CDH18: variants seen among roughly 807,000 people sequenced by gnomAD.
CDH18 encodes the protein cadherin 18.
CDH18 carries 31 observed loss-of-function variants against 67.9 expected under a neutral mutation model. The observed-to-expected ratio is 0.46, with a 90% confidence interval of 0.34 to 0.62. The LOEUF (loss-of-function observed/expected upper bound fraction) is 0.62, where lower values mean the gene tolerates loss of function less well. Ranked by LOEUF, CDH18 falls within the 20% of genes least tolerant of loss-of-function variation. The pLI is 0.01. For synonymous variants in CDH18, 362 were observed against 347.2 expected (o/e 1.04, Z -0.48); for missense variants, 890 against 975.5 (o/e 0.91, Z 1.17).
At chr5:20,374,847 A>T (rs1397306313) in intron 1 of CDH18, among the ~76,000 whole-genome samples, 4 of 152,186 alleles carry the variant, frequency 2.6e-5, no homozygotes, top group Non-Finnish European at 5.9e-5. Context: ...TAAGAATCAA[A>T]TTTATTTAAA....
chr5:19,809,519 A>G (rs188364433), intron 3 of CDH18, among the ~76,000 whole-genome samples: 200 of 107,414 alleles, frequency 1.9e-3, no homozygotes, highest in Admixed American at 3.7e-3. Flanking sequence ...CCTAAAACTT[A>G]AAGTATAATA....
At chr5:20,279,409 C>T (rs1243982132) in intron 1 of CDH18, among the ~76,000 whole-genome samples, 1 of 151,766 alleles carries the variant, frequency 6.6e-6, no homozygotes, top group Non-Finnish European at 1.5e-5. Flanking sequence ...AAAGCAAATA[C>T]TATAAGAGGC....
rs73050773 is a variant in CDH18, at chr5:20,150,657, T to C, written c.-518+104787A>G. 3.3e-3 allele frequency among the ~76,000 whole-genome samples: 497 copies of C among 152,134 alleles called. 4 individuals are homozygous for C. Among genetic ancestry groups the C allele is most frequent in the African/African-American group, 0.011 (474 of 41,554 alleles). ...TTTTAAGTTTTATATTTGTTTTATG[T>C]GGTTCTGTGTATATTGAAAATGTTT... On this transcript the variant is annotated intron_variant, in intron 2 of 14. Transcript: ENST00000507958.
intron 2 of CDH18, among the ~76,000 whole-genome samples, chr5:19,869,575 T>C (rs1243383979): frequency 6.6e-6 from 1 of 152,144 alleles, no homozygotes; most frequent in Non-Finnish European, 1.5e-5. Flanking sequence ...ATAATAATTC[T>C]ACACAAAAAT....
chr5:19,620,587 G>T (rs1232789987), intron 5 of CDH18, among the ~76,000 whole-genome samples: 1 of 151,920 alleles, frequency 6.6e-6, no homozygotes, highest in Non-Finnish European at 1.5e-5. Context: ...GAATGAGAGA[G>T]GGGGGACATG....
intron 1 of CDH18, among the ~76,000 whole-genome samples, chr5:20,556,111 G>A (rs1255425037): frequency 6.6e-6 from 1 of 152,200 alleles, no homozygotes; most frequent in African/African-American, 2.4e-5. Flanking sequence ...ACTGTCAATT[G>A]TTCTACATAT....
At chr5:19,775,415 T>C (rs1435772743) in intron 3 of CDH18, among the ~76,000 whole-genome samples, 2 of 152,118 alleles carry the variant, frequency 1.3e-5, no homozygotes, top group Non-Finnish European at 2.9e-5. Flanking sequence ...CTTCTGTGGA[T>C]GCGGAATCTG....
intron 2 of CDH18, among the ~76,000 whole-genome samples, chr5:20,020,573 T>C (rs1306974831): frequency 6.6e-6 from 1 of 152,106 alleles, no homozygotes; most frequent in Admixed American, 6.5e-5. Context: ...GGGCCCCAGA[T>C]ACATATCAGG....
At chr5:20,300,292 T>TTGTGTGTGTGCGTGTG (rs1747862509) in intron 1 of CDH18, among the ~76,000 whole-genome samples, 1 of 106,640 alleles carries the variant, frequency 9.4e-6, no homozygotes, top group African/African-American at 2.9e-5. Context: ...ATAGATTAAG[T>TTGTGTGTGTGCGTGTG]TGTGTGTGTG....
intron 2 of CDH18, among the ~76,000 whole-genome samples, chr5:19,923,829 C>G (rs1383729719): frequency 1.3e-5 from 2 of 152,182 alleles, no homozygotes; most frequent in African/African-American, 4.8e-5. Flanking sequence ...AAAAAGATAG[C>G]TTGTGGAAGA....
At chr5:19,894,856 TAGGGTCTCAAGAAG>T (rs1789139426) in intron 2 of CDH18, among the ~76,000 whole-genome samples, 2 of 152,160 alleles carry the variant, frequency 1.3e-5, no homozygotes, top group Admixed American at 1.3e-4. Context: ...AAGAATTTCT[TAGGGTCTCAAGAAG>T]AATGATGAGG....
intron 6 of CDH18, among the ~76,000 whole-genome samples, chr5:19,606,682 T>C (rs1748098087): frequency 1.3e-5 from 2 of 151,810 alleles, no homozygotes; most frequent in African/African-American, 2.4e-5. Flanking sequence ...AAGACAGTAA[T>C]AGATGAATGT....
At chr5:19,593,737 T>TCTTCTTCTTCTTCTTCTTCTC in intron 6 of CDH18, among the ~76,000 whole-genome samples, 1 of 139,334 alleles carries the variant, frequency 7.2e-6, no homozygotes, top group African/African-American at 2.9e-5. Flanking sequence ...TTCTTCTTCT[T>TCTTCTTCTTCTTCTTCTTCTC]CTTCTTCTTC....
At chr5:20,120,741 A>G (rs80238262) in intron 2 of CDH18, among the ~76,000 whole-genome samples, 3,180 of 152,240 alleles carry the variant, frequency 0.021, 46 homozygotes, top group Middle Eastern at 0.044. Context: ...TTTTGAAAAA[A>G]TGATTAGATC....
intron 2 of CDH18, among the ~76,000 whole-genome samples, chr5:20,237,766 T>C (rs940092898): frequency 3.3e-5 from 5 of 151,952 alleles, no homozygotes; most frequent in Non-Finnish European, 5.9e-5. Flanking sequence ...ACAATTCCAA[T>C]TGAAATTCAA....
intron 5 of CDH18, among the ~76,000 whole-genome samples, chr5:19,614,125 TA>T (rs1279506827): frequency 1.3e-5 from 2 of 152,034 alleles, no homozygotes; most frequent in African/African-American, 4.8e-5. Flanking sequence ...ATATTTATGT[TA>T]AAAATAGCCT....
intron 1 of CDH18, among the ~76,000 whole-genome samples, chr5:20,289,649 G>A (rs1219711131): frequency 6.6e-6 from 1 of 151,686 alleles, no homozygotes; most frequent in Admixed American, 6.6e-5. Context: ...GTAAATTATA[G>A]AACTTAGTTT....
intron 3 of CDH18, among the ~76,000 whole-genome samples, chr5:19,762,152 T>C (rs895387479): frequency 2.0e-5 from 3 of 152,108 alleles, no homozygotes; most frequent in African/African-American, 7.2e-5. Context: ...GAAGAAACCC[T>C]AGGCAATACC....
At chr5:20,109,343 C>T (rs988498757) in intron 2 of CDH18, among the ~76,000 whole-genome samples, 1 of 152,178 alleles carries the variant, frequency 6.6e-6, no homozygotes, top group African/African-American at 2.4e-5. Context: ...ATTTCATTAT[C>T]GGCAACATGC....
Sources: gnomAD v4.1 joint callset for allele counts (sites outside exome capture counted in the v4.1 genomes callset) on GRCh38, gnomAD v4.1.1 for gene constraint, MANE v1.5 for transcripts, NCBI Gene and HGNC (gene_info 2026-07-23, HGNC 2026-07-21) for gene names.